The following ZNF33A variants were observed in gnomAD, a reference collection of about 807,000 sequenced individuals.
ZNF33A encodes the protein brain my041 protein.
ZNF33A carries 9 observed loss-of-function variants against 15.9 expected under a neutral mutation model. The ratio of observed to expected loss-of-function variants is 0.57; its 90% CI spans 0.34 to 0.99. The LOEUF is 0.99. Ranked by LOEUF, ZNF33A falls within the 50% of genes least tolerant of loss-of-function variation. The probability of loss-of-function intolerance (pLI) is 0.02; values close to 1 mark genes in which losing one functional copy is unlikely to be tolerated. For missense variants in ZNF33A, 843 were observed against 941.6 expected, an observed-to-expected ratio of 0.90 and a Z score of 1.37; for synonymous variants, 294 against 324.2, an observed-to-expected ratio of 0.91 and a Z score of 1.00.
intron 4 of ZNF33A, among the ~76,000 whole-genome samples, chr10:38,028,336 C>T (rs1396434825): frequency 1.3e-5 from 2 of 152,042 alleles, no homozygotes; most frequent in Admixed American, 6.6e-5. Flanking sequence ...CTGATTGGTA[C>T]ATTCAATCAA....
At chr10:38,032,177 A>G (rs1160474475) in intron 4 of ZNF33A, among the ~76,000 whole-genome samples, 1 of 152,122 alleles carries the variant, frequency 6.6e-6, no homozygotes, top group African/African-American at 2.4e-5. Flanking sequence ...TGTGCAGACA[A>G]TTTGATTATC....
chr10:38,030,052 A>C (rs1776257886), intron 4 of ZNF33A, among the ~76,000 whole-genome samples: 1 of 152,198 alleles, frequency 6.6e-6, no homozygotes, highest in South Asian at 2.1e-4. Flanking sequence ...CGTTATACTG[A>C]AAGATGTTTT....
chr10:38,029,174 A>G (rs750758796), intron 4 of ZNF33A, among the ~76,000 whole-genome samples: 58 of 152,192 alleles, frequency 3.8e-4, no homozygotes, highest in Non-Finnish European at 8.1e-4. Flanking sequence ...CCTCCAGATT[A>G]GAGTCTAGTT....
At chr10:38,064,245 A>G (rs1184542004), downstream of ZNF33A, 2 of 804,806 alleles carry the variant, frequency 2.5e-6, no homozygotes, top group African/African-American at 1.7e-5. Flanking sequence ...CTCCAACACT[A>G]GCATGCTGTG....
intron 4 of ZNF33A, among the ~76,000 whole-genome samples, chr10:38,026,600 G>A (rs866431940): frequency 1.3e-5 from 2 of 152,208 alleles, no homozygotes; most frequent in Non-Finnish European, 2.9e-5. Flanking sequence ...AAAGTGCTGG[G>A]ATTACAGGCG....
chr10:38,064,211 A>G, downstream of ZNF33A: 1 of 1,191,150 alleles, frequency 8.4e-7, no homozygotes, highest in Non-Finnish European at 1.2e-6. Context: ...CTACCTTCCC[A>G]CAAGATGGGG....
intron 4 of ZNF33A, among the ~76,000 whole-genome samples, chr10:38,037,177 G>A (rs1234661429): frequency 6.6e-6 from 1 of 152,060 alleles, no homozygotes; most frequent in African/African-American, 2.4e-5. Context: ...ATCCACTCCT[G>A]TATTTTCTTT....
intron 4 of ZNF33A, among the ~76,000 whole-genome samples, chr10:38,047,875 A>G (rs543298323): frequency 5.9e-5 from 9 of 152,330 alleles, no homozygotes; most frequent in African/African-American, 1.9e-4. Context: ...CACATGAGTC[A>G]TAACCAGAAT....
intron 4 of ZNF33A, among the ~76,000 whole-genome samples, chr10:38,047,127 C>G (rs2065974884): frequency 8.0e-6 from 1 of 124,620 alleles, no homozygotes; most frequent in Non-Finnish European, 1.6e-5. Context: ...TTCAGTGAGC[C>G]AAGATTGCAC....
intron 4 of ZNF33A, among the ~76,000 whole-genome samples, chr10:38,028,682 G>T (rs2065088483): frequency 6.6e-6 from 1 of 152,050 alleles, no homozygotes; most frequent in African/African-American, 2.4e-5. Context: ...TGGCCAGGCT[G>T]GTCTTGAGCT....
At chr10:38,064,264 A>T, downstream of ZNF33A, 1 of 688,102 alleles carries the variant, frequency 1.5e-6, no homozygotes, top group South Asian at 2.1e-5. Context: ...TGGAAGAGAC[A>T]TCAGCATTCT....
At chr10:38,039,555 T>C (rs767060535) in intron 4 of ZNF33A, 13 of 455,840 alleles carry the variant, frequency 2.9e-5, no homozygotes, top group African/African-American at 2.2e-4. Context: ...ATTTACAACT[T>C]CAATCTTTTT....
chr10:38,064,735 C>T (rs926578099), downstream of ZNF33A: 1 of 152,196 alleles, frequency 6.6e-6, no homozygotes, highest in African/African-American at 2.4e-5. Context: ...CTCCCTCTCA[C>T]TCTTTAGGTC....
chr10:38,030,641 T>G (rs2065174100), intron 4 of ZNF33A, among the ~76,000 whole-genome samples: 1 of 152,108 alleles, frequency 6.6e-6, no homozygotes, highest in Non-Finnish European at 1.5e-5. Flanking sequence ...AGAAGGCTCC[T>G]AAGGAGATCT....
Position 38,016,997 on chromosome 10 carries a change from A to G in ZNF33A, c.136A>G (p.Ser46Gly). ...TAGAGATGTGATGCTGGAGAACTAC[A>G]GCAACCTTGTCTCAGTGGGTAAGGT... ...LYRDVMLENYSNLVSVGYCVH... is the reference protein window; with the variant it reads ...LYRDVMLENYGNLVSVGYCVH... The change falls in exon 3 of 5, where the codon AGC becomes GGC. Residue 46 changes from serine (S) to glycine (G), a missense_variant. Coordinates refer to ENST00000432900, the MANE Select transcript of ZNF33A (RefSeq NM_006954.2). 2 of 1,606,592 alleles carry G rather than the reference A, an allele frequency of 1.2e-6. No homozygotes were observed. The highest frequency in any genetic ancestry group is 1.3e-5 in the African/African-American group (1 of 74,658).
rs2066575901 is a variant in ZNF33A at position 38,058,493 on chromosome 10, A to G, written c.*1933A>G. ...AATTAATAACCTTCCAAGGCCAGGT[A>G]CAGTGGTTCATGCCTGTAATCCCAG... is the stretch of plus-strand genomic sequence containing the variant. On this transcript the variant is annotated 3_prime_UTR_variant, in exon 5 of 5. Transcript: ENST00000432900. The G allele has an allele frequency of 6.6e-6, 1 of 152,246 alleles. No homozygotes were observed. The highest frequency in any genetic ancestry group is 2.4e-5 in the African/African-American group (1 of 41,468). 9.4% of individuals were successfully genotyped at this position (152,246 alleles called of 1,614,324 possible).
intron 4 of ZNF33A, among the ~76,000 whole-genome samples, chr10:38,025,564 C>T (rs2064947102): frequency 6.6e-6 from 1 of 152,222 alleles, no homozygotes; most frequent in Non-Finnish European, 1.5e-5. Flanking sequence ...AGGAAGAGGC[C>T]CTCACCAGGC....
At chr10:38,015,768 A>G (rs186671657) in intron 2 of ZNF33A, among the ~76,000 whole-genome samples, 18 of 152,268 alleles carry the variant, frequency 1.2e-4, no homozygotes, top group Non-Finnish European at 2.2e-4. Flanking sequence ...TTTTTTCTTA[A>G]TGAATTGGTG....
In ZNF33A at chr10:38,055,261, C is replaced by T. The variant is rs1275257218; in HGVS notation, c.1137C>T (p.His379=). 2.0e-5 allele frequency: 33 copies of T among 1,614,022 alleles called. No homozygotes were observed. The highest frequency in any genetic ancestry group is 2.8e-5 in the Non-Finnish European group (33 of 1,179,990). Reference sequence around the variant, plus strand: ...ACCTCACTAAACATCAAAGATCACACACAGGGGAGAAACCTTTTGAATGCA... The same window carrying T: ...ACCTCACTAAACATCAAAGATCACATACAGGGGAGAAACCTTTTGAATGCA... The part of the protein sequence containing the change: ...KSNLTKHQRS[H]TGEKPFECNE... Residue 379 remains histidine, a synonymous_variant, in exon 5 of 5, where the codon CAC becomes CAT. Coordinates refer to ENST00000432900, the MANE Select transcript of ZNF33A (RefSeq NM_006954.2).
Sources: gnomAD v4.1 joint callset for allele counts (sites outside exome capture counted in the v4.1 genomes callset) on GRCh38, gnomAD v4.1.1 for gene constraint, MANE v1.5 for transcripts, NCBI Gene and HGNC (gene_info 2026-07-23, HGNC 2026-07-21) for gene names.